The following RETREG1 variants were observed in gnomAD, a reference collection of about 807,000 sequenced individuals.
RETREG1 encodes the protein reticulophagy regulator 1, also known as family with sequence similarity 134 member B.
A neutral mutation model predicts 54.8 loss-of-function variants in RETREG1; 44 were observed. That is an observed-to-expected ratio of 0.80 (90% confidence interval 0.63 to 1.03). The LOEUF is 1.03. Among genes scored for constraint, RETREG1 ranks in the 50% least tolerant of loss-of-function variants. The probability of loss-of-function intolerance (pLI) is 0.00; values close to 1 mark genes in which losing one functional copy is unlikely to be tolerated. For synonymous variants in RETREG1, 217 were observed against 238.5 expected (o/e 0.91, Z 0.83); for missense variants, 554 against 605.1 (o/e 0.92, Z 0.89).
At chr5:16,578,504 C>T (rs1742397826) in intron 1 of RETREG1, among the ~76,000 whole-genome samples, 1 of 152,142 alleles carries the variant, frequency 6.6e-6, no homozygotes, top group African/African-American at 2.4e-5. Flanking sequence ...AAACAATCCC[C>T]ATCTGCTGGG....
At chr5:16,475,986 T>C (rs1316703905) in intron 8 of RETREG1, among the ~76,000 whole-genome samples, 1 of 152,176 alleles carries the variant, frequency 6.6e-6, no homozygotes, top group East Asian at 1.9e-4. Flanking sequence ...GTGGCTTGGA[T>C]TATTATTGTC....
chr5:16,597,079 G>A lies in RETREG1; in HGVS notation c.320+19573C>T, dbSNP rs1742918162. ...CACCAAAGGACGTGGAAAGAATCCT[G>A]AAGAAGTAGGCTGGCAAATGCATAT... On this transcript the variant is annotated intron_variant, in intron 1 of 8. Coordinates refer to ENST00000306320, the MANE Select transcript of RETREG1 (RefSeq NM_001034850.3). The surrounding 1 kb of genome is among the most constrained non-coding windows in gnomAD (Gnocchi z 4.3). Among the ~76,000 whole-genome samples the A allele has an allele frequency of 6.6e-6, 1 of 152,190 alleles. No individual in the cohort carries two copies. The highest frequency in any genetic ancestry group is 6.5e-5 in the Admixed American group (1 of 15,292).
intron 3 of RETREG1, among the ~76,000 whole-genome samples, chr5:16,499,917 A>G (rs163280): frequency 1.3e-5 from 2 of 152,026 alleles, no homozygotes; most frequent in South Asian, 4.1e-4. Context: ...GCCTCCCTGC[A>G]CCCCACTGAC....
intron 3 of RETREG1, among the ~76,000 whole-genome samples, chr5:16,527,910 T>C (rs961867021): frequency 2.1e-5 from 3 of 144,432 alleles, no homozygotes; most frequent in South Asian, 2.3e-4. Context: ...CCTGGGTTCA[T>C]GCCATTCTCC....
chr5:16,570,616 T>C (rs1017334660), intron 2 of RETREG1, among the ~76,000 whole-genome samples: 1 of 152,192 alleles, frequency 6.6e-6, no homozygotes, highest in Admixed American at 6.5e-5. Flanking sequence ...AGGGTGAACA[T>C]ATTACTGTCT....
intron 1 of RETREG1, among the ~76,000 whole-genome samples, chr5:16,613,084 A>G (rs1419527597): frequency 3.0e-5 from 4 of 134,528 alleles, no homozygotes; most frequent in African/African-American, 1.2e-4. Context: ...ATTTGTGGAT[A>G]CTTCTACAAA....
intron 3 of RETREG1, among the ~76,000 whole-genome samples, chr5:16,515,838 C>T (rs13175322): frequency 0.18 from 27,572 of 151,894 alleles, 2,849 homozygotes; most frequent in Middle Eastern, 0.26. Context: ...GACAGAAAAC[C>T]GTGAGGGAAA....
chr5:16,526,034 C>T (rs1740707425), intron 3 of RETREG1, among the ~76,000 whole-genome samples: 1 of 152,188 alleles, frequency 6.6e-6, no homozygotes, highest in South Asian at 2.1e-4. Context: ...TCTGACTTAA[C>T]CACATTGATC....
At chr5:16,537,205 A>G (rs967108118) in intron 3 of RETREG1, among the ~76,000 whole-genome samples, 4 of 152,166 alleles carry the variant, frequency 2.6e-5, no homozygotes, top group African/African-American at 4.8e-5. Context: ...CGACCTCCCA[A>G]TTAAATTGAA....
At chr5:16,587,860 T>C (rs1391334635) in intron 1 of RETREG1, among the ~76,000 whole-genome samples, 1 of 152,156 alleles carries the variant, frequency 6.6e-6, no homozygotes, top group Non-Finnish European at 1.5e-5. Context: ...TTCCCCTCTT[T>C]GCCGGAAGCC....
At chr5:16,524,489 C>T (rs545715637) in intron 3 of RETREG1, among the ~76,000 whole-genome samples, 1 of 152,312 alleles carries the variant, frequency 6.6e-6, no homozygotes, top group South Asian at 2.1e-4. Context: ...TCTTTACATC[C>T]ATCTACTTTC....
At chr5:16,546,115 A>T (rs2126611272) in intron 3 of RETREG1, among the ~76,000 whole-genome samples, 1 of 152,358 alleles carries the variant, frequency 6.6e-6, no homozygotes, top group African/African-American at 2.4e-5. Flanking sequence ...CATGAAAAAG[A>T]AAACAATTTC....
chr5:16,546,163 A>C (rs1291060576), intron 3 of RETREG1, among the ~76,000 whole-genome samples: 4 of 152,180 alleles, frequency 2.6e-5, no homozygotes, highest in Non-Finnish European at 5.9e-5. Flanking sequence ...CAAATCTTGA[A>C]ATTTTATATC....
At position 16,561,812 on chromosome 5, in the gene RETREG1, G is replaced by A. The variant is rs549784762; in HGVS notation, c.458+3951C>T. ...AATTTTAGATGCATTCAGAAGGGTT[G>A]TGGGTGCAAGAAAGAAGGGGAGAAA... On this transcript the variant is annotated intron_variant, in intron 3 of 8. Coordinates refer to ENST00000306320, the MANE Select transcript of RETREG1 (RefSeq NM_001034850.3). This position sits in a 1 kb window ranked among gnomAD's most constrained non-coding sequence, Gnocchi z 4.2. 2.2e-4 allele frequency among the ~76,000 whole-genome samples: 34 copies of A among 152,356 alleles called. 2 individuals carry two copies. In the South Asian group the frequency reaches 4.3e-3, roughly 19 times the overall value.
chr5:16,595,172 G>A (rs1026097150), intron 1 of RETREG1, among the ~76,000 whole-genome samples: 4 of 152,174 alleles, frequency 2.6e-5, no homozygotes, highest in East Asian at 1.9e-4. Context: ...GCGGTCATGC[G>A]CAGTCTTGTA....
At chr5:16,589,897 G>A (rs1742714319) in intron 1 of RETREG1, among the ~76,000 whole-genome samples, 1 of 152,176 alleles carries the variant, frequency 6.6e-6, no homozygotes, top group Admixed American at 6.5e-5. Context: ...GCCACCTCAA[G>A]GCCAGAGACT....
intron 1 of RETREG1, among the ~76,000 whole-genome samples, chr5:16,576,758 A>T (rs1194558664): frequency 1.3e-5 from 2 of 152,152 alleles, no homozygotes; most frequent in Non-Finnish European, 2.9e-5. Context: ...CTAGGATTAC[A>T]GGCACGAGCC....
chr5:16,546,287 C>G (rs1419971550), intron 3 of RETREG1, among the ~76,000 whole-genome samples: 1 of 152,144 alleles, frequency 6.6e-6, no homozygotes, highest in Non-Finnish European at 1.5e-5. Context: ...CCCACCCCAG[C>G]CTCCCAAGCA....
At chr5:16,613,626 TA>T (rs1743411675) in intron 1 of RETREG1, among the ~76,000 whole-genome samples, 1 of 152,232 alleles carries the variant, frequency 6.6e-6, no homozygotes, top group Admixed American at 6.5e-5. Context: ...TGCCAGGTGC[TA>T]AATCATTCAA....
Sources: allele counts gnomAD v4.1 joint callset (sites outside exome capture counted in the v4.1 genomes callset), GRCh38; gene constraint gnomAD v4.1.1; non-coding constraint Gnocchi (gnomAD v3.1); transcripts MANE v1.5; gene names NCBI Gene and HGNC (gene_info 2026-07-23, HGNC 2026-07-21).